The following TMEM45A variants were observed in gnomAD, a reference collection of about 807,000 sequenced individuals.
TMEM45A encodes the protein DNA polymerase-transactivated protein 4.
Under a neutral mutation model 32.0 loss-of-function variants are expected in TMEM45A, and 25 were observed. The ratio of observed to expected loss-of-function variants is 0.78; its 90% CI spans 0.57 to 1.09. The LOEUF is 1.09. Ranked by LOEUF, TMEM45A falls within the 50% of genes least tolerant of loss-of-function variation. TMEM45A has a pLI of 0.00. For missense variants in TMEM45A, 302 were observed against 325.0 expected, an observed-to-expected ratio of 0.93 and a Z score of 0.54; for synonymous variants, 122 against 114.8, an observed-to-expected ratio of 1.06 and a Z score of -0.40.
intron 4 of TMEM45A, among the ~76,000 whole-genome samples, chr3:100,567,518 C>CAA (rs780009246): frequency 0.039 from 2,478 of 63,406 alleles, 281 homozygotes; most frequent in African/African-American, 0.12. Context: ...ACCATTTCTG[C>CAA]AAAAAAAAAA....
chr3:100,544,663 G>T (rs1044284346), intron 1 of TMEM45A, among the ~76,000 whole-genome samples: 1 of 152,076 alleles, frequency 6.6e-6, no homozygotes, highest in East Asian at 1.9e-4. Context: ...ATGCTTTTGA[G>T]ATTAATTCAG....
At chr3:100,550,208 G>A (rs28370969) in intron 1 of TMEM45A, among the ~76,000 whole-genome samples, 214 of 62,932 alleles carry the variant, frequency 3.4e-3, no homozygotes, top group Middle Eastern at 0.02. Flanking sequence ...AAAAAAAAAA[G>A]AAAAAAAAAT....
At chr3:100,514,080 C>A (rs1053967642) in intron 1 of TMEM45A, among the ~76,000 whole-genome samples, 1 of 152,176 alleles carries the variant, frequency 6.6e-6, no homozygotes, top group African/African-American at 2.4e-5. Context: ...CAATGCCATC[C>A]CTATCAAGCT....
At chr3:100,573,177 T>C (rs1199307644) in intron 5 of TMEM45A, 4 of 151,664 alleles carry the variant, frequency 2.6e-5, no homozygotes, top group African/African-American at 9.7e-5. Flanking sequence ...ATTGAATCTA[T>C]AAATTACCTT....
intron 4 of TMEM45A, among the ~76,000 whole-genome samples, chr3:100,559,631 T>C (rs1412511964): frequency 3.3e-5 from 5 of 152,024 alleles, no homozygotes; most frequent in Non-Finnish European, 7.4e-5. Context: ...ATAAAATCTA[T>C]ATCTCTTGCT....
intron 1 of TMEM45A, among the ~76,000 whole-genome samples, chr3:100,532,800 T>G (rs533549455): frequency 1.3e-5 from 2 of 152,322 alleles, no homozygotes; most frequent in South Asian, 4.1e-4. Flanking sequence ...TTTTTCAGCC[T>G]TTCTAAGTCT....
intron 1 of TMEM45A, among the ~76,000 whole-genome samples, chr3:100,513,065 A>T (rs367931488): frequency 6.7e-6 from 1 of 149,316 alleles, no homozygotes. Context: ...AACTGGTACC[A>T]TTCCTTCTGA....
chr3:100,529,320 T>A (rs1328356031), intron 1 of TMEM45A, among the ~76,000 whole-genome samples: 6 of 152,208 alleles, frequency 3.9e-5, no homozygotes, highest in Admixed American at 3.9e-4. Flanking sequence ...AGTCCCACAC[T>A]CAGCATAGCC....
intron 1 of TMEM45A, among the ~76,000 whole-genome samples, chr3:100,506,942 G>A (rs1470797138): frequency 1.3e-5 from 2 of 152,208 alleles, no homozygotes; most frequent in Non-Finnish European, 2.9e-5. Context: ...CATACAGAGA[G>A]TGAAGTGAGT....
intron 1 of TMEM45A, among the ~76,000 whole-genome samples, chr3:100,506,953 A>T (rs1234899772): frequency 6.6e-6 from 1 of 152,220 alleles, no homozygotes; most frequent in Non-Finnish European, 1.5e-5. Flanking sequence ...TGAAGTGAGT[A>T]AAGTCTTGTT....
intron 3 of TMEM45A, 66 bp from the exon 4 acceptor site, chr3:100,558,339 G>A: frequency 1.9e-6 from 3 of 1,583,754 alleles, no homozygotes; most frequent in East Asian, 2.2e-5. Context: ...CGGAGAGAGG[G>A]AGAGAGAGAA....
chr3:100,568,689 A>T (rs910600912), intron 4 of TMEM45A, 133 bp from the exon 5 acceptor site: 3 of 747,710 alleles, frequency 4.0e-6, no homozygotes, highest in Non-Finnish European at 6.3e-6. Flanking sequence ...GCAAAACCTG[A>T]TGTTTTATCT....
intron 1 of TMEM45A, among the ~76,000 whole-genome samples, chr3:100,540,316 T>C (rs1327191254): frequency 1.3e-5 from 2 of 152,076 alleles, no homozygotes; most frequent in Non-Finnish European, 2.9e-5. Flanking sequence ...AAAAGACACA[T>C]ATCTAAACAA....
intron 1 of TMEM45A, among the ~76,000 whole-genome samples, chr3:100,506,900 A>C (rs576327255): frequency 6.6e-6 from 1 of 152,342 alleles, no homozygotes; most frequent in African/African-American, 2.4e-5. Flanking sequence ...GCCAAGTTCT[A>C]GAACCAGAAG....
intron 1 of TMEM45A, among the ~76,000 whole-genome samples, chr3:100,498,246 T>C (rs1391208744): frequency 6.6e-6 from 1 of 152,252 alleles, no homozygotes; most frequent in African/African-American, 2.4e-5. Context: ...ATTAAACCTC[T>C]TTCTTGTATG....
chr3:100,506,000 C>T (rs1252905844), intron 1 of TMEM45A, among the ~76,000 whole-genome samples: 6 of 152,078 alleles, frequency 3.9e-5, no homozygotes, highest in East Asian at 1.9e-4. Flanking sequence ...GAGAGGACCC[C>T]GATAACTGCA....
intron 4 of TMEM45A, among the ~76,000 whole-genome samples, chr3:100,568,091 G>A (rs944944035): frequency 2.6e-5 from 4 of 151,990 alleles, no homozygotes; most frequent in Admixed American, 6.5e-5. Flanking sequence ...GGCCAGAACT[G>A]TTTTCTTAAT....
intron 1 of TMEM45A, among the ~76,000 whole-genome samples, chr3:100,540,472 T>G (rs769701608): frequency 9.2e-5 from 14 of 152,120 alleles, no homozygotes; most frequent in Non-Finnish European, 1.6e-4. Flanking sequence ...GAATTGCAAA[T>G]TAAAACAACA....
intron 1 of TMEM45A, among the ~76,000 whole-genome samples, chr3:100,508,696 A>G (rs1708112604): frequency 6.6e-6 from 1 of 152,162 alleles, no homozygotes; most frequent in African/African-American, 2.4e-5. Flanking sequence ...GGCATCAAAA[A>G]CATATATTGG....
Sources: allele counts gnomAD v4.1 joint callset (sites outside exome capture counted in the v4.1 genomes callset), GRCh38; gene constraint gnomAD v4.1.1; transcripts MANE v1.5; gene names NCBI Gene and HGNC (gene_info 2026-07-23, HGNC 2026-07-21).